Variants in OCM observed in about 807,000 individuals in gnomAD.
OCM encodes oncomodulin, also known as oncomodulin-1.
Under a neutral mutation model 14.1 loss-of-function variants are expected in OCM, and 18 were observed. The observed-to-expected ratio is 1.28, with a 90% CI of 0.88 to 1.89. The LOEUF is 1.89. OCM is among the 40% of genes most tolerant of loss of function. The pLI is 0.00. For missense variants in OCM, 140 were observed against 137.6 expected (o/e 1.02, Z -0.09); for synonymous variants, 48 against 51.0 (o/e 0.94, Z 0.25).
At chr7:5,860,158 A>G in the OCM span, among the ~76,000 whole-genome samples, 25 of 152,026 alleles carry the variant, frequency 1.6e-4, no homozygotes, top group Middle Eastern at 3.4e-3. Context: ...TGTGGGGTTT[A>G]GTTGCAATTT....
the OCM span, among the ~76,000 whole-genome samples, chr7:5,861,723 TTTTATTTA>T: frequency 6.6e-6 from 1 of 151,930 alleles, no homozygotes; most frequent in East Asian, 1.9e-4. Flanking sequence ...CTCATTGTGG[TTTTATTTA>T]TTTATTTATT....
chr7:5,861,410 A>G, the OCM span, among the ~76,000 whole-genome samples: 1 of 151,768 alleles, frequency 6.6e-6, no homozygotes, highest in African/African-American at 2.4e-5. Flanking sequence ...AACAAGAACG[A>G]AATTCTGTCT....
chr7:5,865,209 A>G, the OCM span, among the ~76,000 whole-genome samples: 1 of 152,168 alleles, frequency 6.6e-6, no homozygotes, highest in Non-Finnish European at 1.5e-5. Flanking sequence ...AAATGCCTGC[A>G]TTATTCATGT....
chr7:5,860,925 A>G, the OCM span, among the ~76,000 whole-genome samples: 2 of 151,650 alleles, frequency 1.3e-5, no homozygotes, highest in East Asian at 3.9e-4. Context: ...TTTAGTGACC[A>G]CAGAGTTGGC....
chr7:5,862,980 A>C, the OCM span, among the ~76,000 whole-genome samples: 1 of 150,614 alleles, frequency 6.6e-6, no homozygotes, highest in East Asian at 2.0e-4. Flanking sequence ...CCCTCTTTTC[A>C]TACGTTTATC....
chr7:5,882,532 C>T lies in OCM; in HGVS notation c.101C>T (p.Ser34Leu), dbSNP rs774509432. Residue 34 changes from serine (S) to leucine (L), a missense_variant, in exon 2 of 4, where the codon TCA (serine) becomes TTA (leucine). Transcript: ENST00000242104. ...GAACCCCAAAAATTCTTCCAGACAT[C>T]AGGCCTCTCCAAGATGTCAGCCAAT... ...TFEPQKFFQTSGLSKMSANQV... is the reference protein window; with the variant it reads ...TFEPQKFFQTLGLSKMSANQV... 6.2e-7 allele frequency: 1 copy of T among 1,614,184 alleles called. No individual in the cohort carries two copies. Among genetic ancestry groups the T allele is most frequent in the Non-Finnish European group, 8.5e-7 (1 of 1,180,018 alleles).
intron 3 of OCM, 41 bp downstream of exon 3, chr7:5,884,040 A>G: frequency 1.9e-6 from 3 of 1,606,466 alleles, no homozygotes; most frequent in African/African-American, 1.3e-5. Context: ...ACTCTAGCTC[A>G]GGAAGCATCC....
chr7:5,871,175 C>CT, the OCM span, among the ~76,000 whole-genome samples: 2 of 139,324 alleles, frequency 1.4e-5, no homozygotes, highest in Non-Finnish European at 3.3e-5. Context: ...AGTGAGAGCC[C>CT]CCCCCCCGTC....
chr7:5,886,113 A>G lies in OCM; in HGVS notation c.*24A>G, dbSNP rs765856142. On this transcript the variant is annotated 3_prime_UTR_variant, in exon 4 of 4. Coordinates refer to ENST00000242104, the MANE Select transcript of OCM (RefSeq NM_001097622.2). Reference sequence around the variant, plus strand: ...AAAAGCCCCAGTCTCTGGAGAAAAGAGAGAAAGGGATAATCACCTGGAAGG... The same window carrying G: ...AAAAGCCCCAGTCTCTGGAGAAAAGGGAGAAAGGGATAATCACCTGGAAGG... 9 of 1,607,602 alleles carry G rather than the reference A, an allele frequency of 5.6e-6. No individual in the cohort carries two copies. Among genetic ancestry groups the G allele is most frequent in the East Asian group, 2.2e-5 (1 of 44,858 alleles).
intron 2 of OCM, 62 bp from the exon 3 acceptor site, chr7:5,883,828 A>C (rs1781275401): frequency 5.6e-6 from 9 of 1,600,038 alleles, no homozygotes; most frequent in Middle Eastern, 1.6e-4. Context: ...GAAAAACAAA[A>C]GTGTAAACAC....
At chr7:5,880,740 C>A, upstream of OCM, 1 of 669,002 alleles carries the variant, frequency 1.5e-6, no homozygotes, top group Non-Finnish European at 2.5e-6. Flanking sequence ...GCCTGGGTGA[C>A]AGAGTGAGAC....
upstream of OCM, among the ~76,000 whole-genome samples, chr7:5,879,572 G>C (rs1443414608): frequency 1.3e-5 from 2 of 152,038 alleles, no homozygotes; most frequent in Non-Finnish European, 2.9e-5. Context: ...CACCCTGTAT[G>C]TGTTTGTCTT....
upstream of OCM, among the ~76,000 whole-genome samples, chr7:5,878,721 TG>T (rs1295142676): frequency 6.6e-6 from 1 of 150,498 alleles, no homozygotes; most frequent in East Asian, 2.0e-4. Context: ...CACTCCAGCC[TG>T]GGCGACAGAA....
chr7:5,867,264 G>T, the OCM span, among the ~76,000 whole-genome samples: 1 of 151,968 alleles, frequency 6.6e-6, no homozygotes. Context: ...GATCGCTTGG[G>T]CCCAGGAGTT....
chr7:5,861,956 C>T, the OCM span, among the ~76,000 whole-genome samples: 1 of 152,056 alleles, frequency 6.6e-6, no homozygotes, highest in South Asian at 2.1e-4. Flanking sequence ...TGGCTGTTCA[C>T]AGGCACGAAC....
In OCM at chr7:5,886,289, C is replaced by G. The variant is rs1781336145; in HGVS notation, c.*200C>G. The G allele has an allele frequency of 3.3e-6, 2 of 613,036 alleles. No homozygotes were observed. 38.0% of individuals were successfully genotyped at this position (613,036 alleles called of 1,614,324 possible). A position where few individuals can be genotyped will look rare whatever the true frequency, so the allele number is the denominator to read the frequency against. On this transcript the variant is annotated 3_prime_UTR_variant, in exon 4 of 4. Transcript: ENST00000242104. ...TCTTGGTGGTGGGTATATGCCCTGA[C>G]AACTTCTGTAAGCCCCCCTTCCCCC... is the stretch of plus-strand genomic sequence containing the variant.
At chr7:5,864,809 G>A in the OCM span, among the ~76,000 whole-genome samples, 28 of 152,118 alleles carry the variant, frequency 1.8e-4, no homozygotes, top group African/African-American at 5.5e-4. Context: ...GTGGTGGTGC[G>A]TGCCTGCAAT....
chr7:5,878,856 A>G (rs1781149980), upstream of OCM, among the ~76,000 whole-genome samples: 1 of 146,792 alleles, frequency 6.8e-6, no homozygotes, highest in Non-Finnish European at 1.5e-5. Flanking sequence ...TAAAGGCTCA[A>G]TAAATGTTTG....
At chr7:5,860,263 A>T in the OCM span, among the ~76,000 whole-genome samples, 1 of 151,592 alleles carries the variant, frequency 6.6e-6, no homozygotes, top group Non-Finnish European at 1.5e-5. Flanking sequence ...TTCATGAAAA[A>T]ATCAGCGTCC....
Sources: allele counts gnomAD v4.1 joint callset (sites outside exome capture counted in the v4.1 genomes callset), GRCh38; gene constraint gnomAD v4.1.1; transcripts MANE v1.5; gene names NCBI Gene and HGNC (gene_info 2026-07-23, HGNC 2026-07-21).